Variants in DMC1 observed in about 807,000 individuals in gnomAD.
DMC1 encodes DNA meiotic recombinase 1.
DMC1 carries 27 observed loss-of-function variants against 50.1 expected under a neutral mutation model. The observed-to-expected ratio is 0.54, with a 90% confidence interval of 0.40 to 0.74. DMC1 has a LOEUF of 0.74. Ranked by LOEUF, DMC1 falls within the 30% of genes least tolerant of loss-of-function variation. The pLI, the probability that DMC1 is intolerant of heterozygous loss-of-function variation, is 0.00. For synonymous variants in DMC1, 148 were observed against 136.1 expected (o/e 1.09, Z -0.61); for missense variants, 295 against 420.2 (o/e 0.70, Z 2.60).
At chr22:38,568,744 A>G (rs958349642) in intron 1 of DMC1, among the ~76,000 whole-genome samples, 1 of 152,168 alleles carries the variant, frequency 6.6e-6, no homozygotes, top group African/African-American at 2.4e-5. Flanking sequence ...CTTTGTCCTC[A>G]ATAAATGGAT....
At chr22:38,563,648 G>A (rs1384850805) in intron 4 of DMC1, among the ~76,000 whole-genome samples, 1 of 151,846 alleles carries the variant, frequency 6.6e-6, no homozygotes, top group Non-Finnish European at 1.5e-5. Flanking sequence ...GATGCCAGCA[G>A]TTCAAGACCA....
intron 12 of DMC1, among the ~76,000 whole-genome samples, chr22:38,529,173 G>A (rs1035997112): frequency 1.3e-5 from 2 of 152,024 alleles, no homozygotes; most frequent in South Asian, 2.1e-4. Flanking sequence ...ACCATGCCCT[G>A]CTAATTTTTG....
chr22:38,528,850 G>C (rs1569155113), intron 12 of DMC1, among the ~76,000 whole-genome samples: 2 of 152,046 alleles, frequency 1.3e-5, no homozygotes, highest in Admixed American at 1.3e-4. Flanking sequence ...AGCTAAAACA[G>C]TCACTCTGTC....
chr22:38,514,145 A>T (rs1436857176), downstream of DMC1, among the ~76,000 whole-genome samples: 1 of 151,368 alleles, frequency 6.6e-6, no homozygotes, highest in Non-Finnish European at 1.5e-5. Flanking sequence ...ATTTGCTAGC[A>T]TTGTTAGAGG....
chr22:38,520,914 T>C (rs1053263963), intron 13 of DMC1, among the ~76,000 whole-genome samples: 1 of 151,568 alleles, frequency 6.6e-6, no homozygotes, highest in Non-Finnish European at 1.5e-5. Flanking sequence ...TCTCACTCTG[T>C]CGCCCGGGCT....
At chr22:38,537,770 A>G in intron 11 of DMC1, 118 bp from the exon 12 acceptor site, 1 of 702,226 alleles carries the variant, frequency 1.4e-6, no homozygotes, top group Non-Finnish European at 2.5e-6. Context: ...TATAAATAAC[A>G]TCATATTCCT....
intron 1 of DMC1, among the ~76,000 whole-genome samples, chr22:38,569,709 C>G (rs2090619043): frequency 6.6e-6 from 1 of 152,214 alleles, no homozygotes; most frequent in African/African-American, 2.4e-5. Flanking sequence ...CCCAGCTGTC[C>G]CCTCTGGTGG....
At chr22:38,555,472 G>A in intron 5 of DMC1, 63 bp from the exon 6 acceptor site, 1 of 1,062,534 alleles carries the variant, frequency 9.4e-7, no homozygotes, top group Non-Finnish European at 1.5e-6. Flanking sequence ...AGAGGAGAAA[G>A]TATTCATATC....
intron 8 of DMC1, among the ~76,000 whole-genome samples, chr22:38,546,515 C>T (rs1327543981): frequency 6.6e-6 from 1 of 152,152 alleles, no homozygotes; most frequent in Non-Finnish European, 1.5e-5. Context: ...CAGCTGAGCA[C>T]CCTTGTTAAA....
At chr22:38,553,843 C>A (rs2090440179) in intron 6 of DMC1, among the ~76,000 whole-genome samples, 1 of 151,078 alleles carries the variant, frequency 6.6e-6, no homozygotes, top group Non-Finnish European at 1.5e-5. Flanking sequence ...CCTATAGTCC[C>A]AGCTACTTGG....
intron 12 of DMC1, among the ~76,000 whole-genome samples, chr22:38,535,741 A>T (rs978587540): frequency 4.0e-5 from 6 of 151,642 alleles, no homozygotes; most frequent in Non-Finnish European, 7.4e-5. Context: ...CCAAGAAGCT[A>T]GGACTACAGG....
chr22:38,514,945 CTTTTTTTT>C (rs1225224373), downstream of DMC1, among the ~76,000 whole-genome samples: 1 of 121,976 alleles, frequency 8.2e-6, no homozygotes, highest in Non-Finnish European at 1.7e-5. Context: ...TTTTTTTATT[CTTTTTTTT>C]TTTTTTTTTT....
At chr22:38,553,521 GTTTAAGACCC>G (rs2145950916) in intron 6 of DMC1, among the ~76,000 whole-genome samples, 1 of 143,684 alleles carries the variant, frequency 7.0e-6, no homozygotes, top group East Asian at 2.1e-4. Context: ...AAAAAAGAAA[GTTTAAGACCC>G]TACCACCTGG....
At chr22:38,559,713 A>G (rs1387165699) in intron 5 of DMC1, among the ~76,000 whole-genome samples, 2 of 152,190 alleles carry the variant, frequency 1.3e-5, no homozygotes, top group Non-Finnish European at 2.9e-5. Context: ...CAATCTAGTG[A>G]GAGATTAGAT....
chr22:38,520,187 C>G (rs1257984461), intron 13 of DMC1, 98 bp from the exon 14 acceptor site: 1 of 1,008,070 alleles, frequency 9.9e-7, no homozygotes. Context: ...GTCTGAATCT[C>G]CAGAGACATC....
At chr22:38,558,512 C>T (rs970406518) in intron 5 of DMC1, among the ~76,000 whole-genome samples, 4 of 151,858 alleles carry the variant, frequency 2.6e-5, no homozygotes, top group Non-Finnish European at 5.9e-5. Context: ...GTCAGGAGTT[C>T]GAGGCCAGCC....
At chr22:38,517,322 A>G (rs950838782), downstream of DMC1, among the ~76,000 whole-genome samples, 3 of 152,168 alleles carry the variant, frequency 2.0e-5, no homozygotes, top group African/African-American at 7.2e-5. Flanking sequence ...TAATCCTAGC[A>G]TTTTGGGAGG....
At chr22:38,528,870 T>TC (rs1569155125) in intron 12 of DMC1, among the ~76,000 whole-genome samples, 3 of 152,180 alleles carry the variant, frequency 2.0e-5, no homozygotes, top group Admixed American at 6.5e-5. Flanking sequence ...CAGTGAAAAG[T>TC]AGACCAGGAA....
chr22:38,545,243 T>C (rs1488309157), intron 8 of DMC1, among the ~76,000 whole-genome samples: 1 of 151,664 alleles, frequency 6.6e-6, no homozygotes, highest in Non-Finnish European at 1.5e-5. Context: ...ACCCTATCTC[T>C]ACCAAAAAAA....
Sources: allele counts gnomAD v4.1 joint callset (sites outside exome capture counted in the v4.1 genomes callset), GRCh38; gene constraint gnomAD v4.1.1; transcripts MANE v1.5; gene names NCBI Gene and HGNC (gene_info 2026-07-23, HGNC 2026-07-21).